The following HACD4 variants were observed in gnomAD, a reference collection of about 807,000 sequenced individuals.
HACD4 encodes the protein very-long-chain (3R)-3-hydroxyacyl-CoA dehydratase 4.
In HACD4, 35 loss-of-function variants were observed where a neutral mutation model predicts 33.3. The observed-to-expected ratio is 1.05, with a 90% CI of 0.80 to 1.39. HACD4 has a LOEUF of 1.39. HACD4 is among the 40% of genes most tolerant of loss of function. HACD4 has a pLI of 0.00. For missense variants in HACD4, 323 were observed against 276.5 expected, an observed-to-expected ratio of 1.17 and a Z score of -1.19; for synonymous variants, 118 against 98.0, an observed-to-expected ratio of 1.20 and a Z score of -1.21.
At chr9:21,027,606 G>C (rs1303711842) in intron 2 of HACD4, among the ~76,000 whole-genome samples, 1 of 152,172 alleles carries the variant, frequency 6.6e-6, no homozygotes, top group African/African-American at 2.4e-5. Flanking sequence ...CCACTGCCCT[G>C]CACTTGCTGT....
Position 21,015,976 on chromosome 9 carries a change from A to T in HACD4, c.305T>A (p.Ile102Asn), listed in dbSNP as rs1279483424. ...TERIIILFVV[I>N]TSQEEVQEKY... The stretch of plus-strand genomic sequence containing the variant: ...CTCTTGGACTTCCTCTTGACTGGTG[A>T]TCACCACAAAAAGGATGATTATTCT... Residue 102 changes from isoleucine (I) to asparagine (N), a missense_variant, in exon 4 of 7, where the codon ATC becomes AAC. Coordinates refer to ENST00000495827, the MANE Select transcript of HACD4 (RefSeq NM_001010915.5). The T allele has an allele frequency of 1.2e-6, 2 of 1,613,034 alleles. No individual in the cohort carries two copies. The highest frequency in any genetic ancestry group is 1.7e-6 in the Non-Finnish European group (2 of 1,179,308).
intron 3 of HACD4, among the ~76,000 whole-genome samples, chr9:21,016,927 A>G (rs1352449164): frequency 1.3e-5 from 2 of 152,082 alleles, no homozygotes; most frequent in Non-Finnish European, 2.9e-5. Flanking sequence ...CCCAATTACT[A>G]GCCTCAAAAA....
At chr9:21,020,524 T>C (rs1032703425) in intron 3 of HACD4, among the ~76,000 whole-genome samples, 1 of 152,210 alleles carries the variant, frequency 6.6e-6, no homozygotes. Context: ...TTCTGTACTA[T>C]AAAAGTCAAG....
intron 5 of HACD4, among the ~76,000 whole-genome samples, chr9:21,010,468 C>CG (rs1842390804): frequency 7.3e-6 from 1 of 136,352 alleles, no homozygotes; most frequent in Non-Finnish European, 1.6e-5. Context: ...CCCCCCCCCC[C>CG]CCAGAGCTTA....
At chr9:21,019,983 T>G (rs1468410877) in intron 3 of HACD4, among the ~76,000 whole-genome samples, 2 of 152,032 alleles carry the variant, frequency 1.3e-5, no homozygotes, top group African/African-American at 4.8e-5. Flanking sequence ...AATTCCTTCA[T>G]ATTTGTTCTC....
intron 3 of HACD4, among the ~76,000 whole-genome samples, chr9:21,022,340 C>T (rs927780531): frequency 2.6e-5 from 4 of 152,072 alleles, no homozygotes; most frequent in Non-Finnish European, 1.5e-5. Context: ...ACTAAAACAC[C>T]AAAAGCAATG....
At chr9:21,017,219 C>G (rs577177044) in intron 3 of HACD4, among the ~76,000 whole-genome samples, 18 of 152,126 alleles carry the variant, frequency 1.2e-4, no homozygotes, top group Middle Eastern at 3.4e-3. Context: ...TCACCTAGTG[C>G]CCAGAAATCC....
chr9:21,020,128 C>T (rs7856226), intron 3 of HACD4, among the ~76,000 whole-genome samples: 149,161 of 152,268 alleles, frequency 0.98, 73,159 homozygotes, highest in Non-Finnish European at 1. Context: ...ATGGAATCTC[C>T]GTAAGCACAA....
At chr9:21,011,784 C>T in intron 4 of HACD4, 89 bp from the exon 5 acceptor site, 1 of 672,434 alleles carries the variant, frequency 1.5e-6, no homozygotes, top group Non-Finnish European at 2.6e-6. Context: ...TACAGAGATA[C>T]AACTGGAAAG....
chr9:21,010,228 T>G lies in HACD4; in HGVS notation c.490+1361A>C, dbSNP rs117304341. ...ACTTTAATCATGTCTTACAGAATGC[T>G]CCTTACCAGTCTACCAAATCCATTG... On this transcript the variant is annotated intron_variant, in intron 5 of 6. Coordinates refer to ENST00000495827, the MANE Select transcript of HACD4 (RefSeq NM_001010915.5). Among the ~76,000 whole-genome samples, 785 of 152,324 alleles carry G rather than the reference T, an allele frequency of 5.2e-3. 7 individuals carry two copies. Among genetic ancestry groups the G allele is most frequent in the Non-Finnish European group, 5.8e-3 (392 of 68,020 alleles).
intron 5 of HACD4, among the ~76,000 whole-genome samples, chr9:21,008,715 G>GT (rs1842334998): frequency 6.6e-6 from 1 of 151,774 alleles, no homozygotes; most frequent in South Asian, 2.1e-4. Context: ...CTGGTATCAG[G>GT]TAAAAAAAAG....
At position 21,008,130 on chromosome 9, in the gene HACD4, T is replaced by C. The variant is rs970096982; in HGVS notation, c.507A>G (p.Gln169=). Residue 169 remains glutamine (Q), a synonymous_variant, in exon 6 of 7, where the codon CAA becomes CAG. Coordinates refer to ENST00000495827, the MANE Select transcript of HACD4 (RefSeq NM_001010915.5). The stretch of plus-strand genomic sequence containing the variant: ...CAAATGATTCAAAATAAGGCAGCGA[T>C]TGATAGATGGCAAATGCTGTTAAAA... ...CVLAEAFAIY[Q]SLPYFESFGT... The C allele has an allele frequency of 1.2e-6, 2 of 1,606,292 alleles. No homozygotes were observed. The highest frequency in any genetic ancestry group is 1.7e-4 in the Middle Eastern group (1 of 6,040).
chr9:21,018,412 T>C (rs1429385622), intron 3 of HACD4, among the ~76,000 whole-genome samples: 1 of 152,182 alleles, frequency 6.6e-6, no homozygotes, highest in Non-Finnish European at 1.5e-5. Flanking sequence ...TCTTTCACCA[T>C]TGTTACTTGA....
At chr9:21,009,047 T>C (rs1400315606) in intron 5 of HACD4, among the ~76,000 whole-genome samples, 1 of 152,190 alleles carries the variant, frequency 6.6e-6, no homozygotes, top group Non-Finnish European at 1.5e-5. Context: ...CGCACCTATG[T>C]CTCTAGCATT....
chr9:21,003,749 A>G lies in HACD4; in HGVS notation c.*3288T>C, dbSNP rs567660537. On this transcript the variant is annotated 3_prime_UTR_variant, in exon 7 of 7. Transcript: ENST00000495827. ...TGAGTGATACATCAATGATACAGCAATGACTATCAGTTATTCACACTTTTT... is the reference window on the plus strand; with the variant it reads ...TGAGTGATACATCAATGATACAGCAGTGACTATCAGTTATTCACACTTTTT... 3 of 152,314 alleles carry G rather than the reference A, an allele frequency of 2.0e-5. No individual in the cohort carries two copies. The highest frequency in any genetic ancestry group is 4.1e-4 in the South Asian group (2 of 4,830). The allele number at this position is 152,314 out of a possible 1,614,324, so 9.4% of individuals were successfully genotyped here.
At chr9:21,016,248 G>GA (rs1283107592) in intron 3 of HACD4, among the ~76,000 whole-genome samples, 4 of 152,118 alleles carry the variant, frequency 2.6e-5, no homozygotes, top group Admixed American at 2.6e-4. Context: ...TATTTTATGT[G>GA]AATCAGGATA....
At chr9:21,025,962 A>C (rs1356887636) in intron 3 of HACD4, among the ~76,000 whole-genome samples, 1 of 152,206 alleles carries the variant, frequency 6.6e-6, no homozygotes, top group Non-Finnish European at 1.5e-5. Flanking sequence ...AACTAGTGCA[A>C]AGTAGAACTG....
At chr9:21,008,432 T>C (rs759859254) in intron 5 of HACD4, among the ~76,000 whole-genome samples, 2 of 152,164 alleles carry the variant, frequency 1.3e-5, no homozygotes, top group Non-Finnish European at 2.9e-5. Flanking sequence ...AAAATACATT[T>C]GTCCACCTAG....
At chr9:21,007,684 T>G (rs1045499135) in intron 6 of HACD4, among the ~76,000 whole-genome samples, 1 of 152,148 alleles carries the variant, frequency 6.6e-6, no homozygotes. Flanking sequence ...AATGGAAACA[T>G]CAGAAATAGC....
Sources: gnomAD v4.1 joint callset for allele counts (sites outside exome capture counted in the v4.1 genomes callset) on GRCh38, gnomAD v4.1.1 for gene constraint, MANE v1.5 for transcripts, NCBI Gene and HGNC (gene_info 2026-07-23, HGNC 2026-07-21) for gene names.